The following ATP8B4 variants were observed in gnomAD, a reference collection of about 807,000 sequenced individuals.
ATP8B4 encodes ATPase phospholipid transporting 8B4 (putative), also known as probable phospholipid-transporting ATPase IM.
A neutral mutation model predicts 145.6 loss-of-function variants in ATP8B4; 133 were observed. That is an observed-to-expected ratio of 0.91 (90% confidence interval 0.79 to 1.05). The LOEUF (loss-of-function observed/expected upper bound fraction) is 1.05, where lower values mean the gene tolerates loss of function less well. Ranked by LOEUF, ATP8B4 falls within the 50% of genes least tolerant of loss-of-function variation. The pLI is 0.00. For synonymous variants in ATP8B4, 507 were observed against 492.9 expected (o/e 1.03, Z -0.38); for missense variants, 1,458 against 1,425.2 (o/e 1.02, Z -0.37).
intron 1 of ATP8B4, among the ~76,000 whole-genome samples, chr15:50,168,377 GA>G (rs1402617736): frequency 1.3e-5 from 2 of 152,080 alleles, no homozygotes; most frequent in Non-Finnish European, 2.9e-5. Context: ...GCAGAAGTGG[GA>G]AAGGTAGACC....
Position 49,979,826 on chromosome 15 carries a change from A to G in ATP8B4, c.838-13T>C, listed in dbSNP as rs2045998231. On this transcript the variant is annotated splice_polypyrimidine_tract_variant and intron_variant, in intron 11 of 27. Transcript: ENST00000284509. ...GAAACCCAAAAATCTGAAATAAGAT[A>G]GAAGTGTGGTTAAGGTTAACTTGAA... The G allele has an allele frequency of 5.8e-6, 9 of 1,548,952 alleles. No individual in the cohort carries two copies. The highest frequency in any genetic ancestry group is 5.3e-6 in the Non-Finnish European group (6 of 1,134,532).
chr15:50,004,061 C>A (rs1014184744), intron 7 of ATP8B4, among the ~76,000 whole-genome samples: 2 of 152,200 alleles, frequency 1.3e-5, no homozygotes, highest in Admixed American at 1.3e-4. Flanking sequence ...CAGTTACCAG[C>A]TTTTTCTTTG....
chr15:50,178,083 C>T (rs2044790195), intron 1 of ATP8B4, among the ~76,000 whole-genome samples: 1 of 152,150 alleles, frequency 6.6e-6, no homozygotes, highest in Non-Finnish European at 1.5e-5. Context: ...CTAAACTTCT[C>T]CTGCAATACC....
intron 12 of ATP8B4, among the ~76,000 whole-genome samples, chr15:49,973,228 TG>T (rs1382693049): frequency 2.0e-5 from 3 of 152,178 alleles, no homozygotes; most frequent in Non-Finnish European, 4.4e-5. Context: ...TTACAATTAA[TG>T]TGCACTTTAT....
At chr15:50,102,198 A>G (rs2056404468) in intron 2 of ATP8B4, among the ~76,000 whole-genome samples, 1 of 152,090 alleles carries the variant, frequency 6.6e-6, no homozygotes, top group Non-Finnish European at 1.5e-5. Flanking sequence ...AGAAACAAGA[A>G]CAAACCAAAC....
At chr15:50,042,761 G>C (rs1041200006) in intron 5 of ATP8B4, among the ~76,000 whole-genome samples, 1 of 152,138 alleles carries the variant, frequency 6.6e-6, no homozygotes, top group African/African-American at 2.4e-5. Context: ...TCTGAAGCCA[G>C]ATTGCTTGAG....
At chr15:50,012,952 A>C (rs1351133310) in intron 6 of ATP8B4, among the ~76,000 whole-genome samples, 1 of 152,180 alleles carries the variant, frequency 6.6e-6, no homozygotes, top group East Asian at 1.9e-4. Flanking sequence ...TCTAATGAGC[A>C]CTAAGGATCA....
rs551694330 is a variant in ATP8B4, at chr15:50,001,062, TTTTTC to T, written c.506+1086_506+1090del. 9.9e-5 allele frequency among the ~76,000 whole-genome samples: 15 copies of T among 152,188 alleles called. No homozygotes were observed. In the South Asian group the frequency reaches 3.1e-3, roughly 32 times the overall value. On this transcript the variant is annotated intron_variant, in intron 8 of 27. Coordinates refer to ENST00000284509, the MANE Select transcript of ATP8B4 (RefSeq NM_024837.4). ...TATGCTAATTTGTGTCTTCTCTTTT[TTTTTC>T]TTTTATCAGTATTCTTAGAGGTTTG... is the stretch of plus-strand genomic sequence containing the variant.
chr15:49,969,083 A>T (rs1425533166), intron 13 of ATP8B4, among the ~76,000 whole-genome samples: 1 of 152,264 alleles, frequency 6.6e-6, no homozygotes, highest in African/African-American at 2.4e-5. Context: ...CAATGAGAAC[A>T]AAGAAACGAT....
chr15:50,062,957 A>G (rs1038752909), intron 3 of ATP8B4, among the ~76,000 whole-genome samples: 3 of 152,166 alleles, frequency 2.0e-5, no homozygotes, highest in African/African-American at 7.2e-5. Flanking sequence ...CACACATGGT[A>G]CTAAGTGGTT....
intron 1 of ATP8B4, among the ~76,000 whole-genome samples, chr15:50,180,563 A>T (rs16963400): frequency 0.082 from 12,460 of 152,242 alleles, 542 homozygotes; most frequent in East Asian, 0.1. Context: ...CAAGGAAAAG[A>T]GAAGAGGGGT....
chr15:49,988,581 C>T (rs2046818464), intron 9 of ATP8B4, among the ~76,000 whole-genome samples: 2 of 151,964 alleles, frequency 1.3e-5, no homozygotes, highest in Admixed American at 6.6e-5. Flanking sequence ...AACAAACAAA[C>T]AAAAATACAT....
chr15:50,047,477 T>C lies in ATP8B4; in HGVS notation c.88-13A>G. ...GGATACGATTATCCTGGAAAAGAAA[T>C]AGCATCATGTTAGTTTGGGGCAAGG... On this transcript the variant is annotated splice_polypyrimidine_tract_variant and intron_variant, in intron 3 of 27. Coordinates refer to ENST00000284509, the MANE Select transcript of ATP8B4 (RefSeq NM_024837.4). 1.4e-6 allele frequency: 2 copies of C among 1,462,704 alleles called. No homozygotes were observed. Among genetic ancestry groups the C allele is most frequent in the South Asian group, 1.1e-5 (1 of 87,738 alleles). 90.6% of individuals were successfully genotyped at this position (1,462,704 alleles called of 1,614,324 possible).
At chr15:49,919,479 G>A (rs576995952) in intron 18 of ATP8B4, among the ~76,000 whole-genome samples, 1 of 152,074 alleles carries the variant, frequency 6.6e-6, no homozygotes, top group East Asian at 1.9e-4. Context: ...GTGCAGTGGC[G>A]CGATCTCGGC....
chr15:49,934,641 T>C (rs2041580601), intron 14 of ATP8B4, among the ~76,000 whole-genome samples: 1 of 152,116 alleles, frequency 6.6e-6, no homozygotes, highest in Non-Finnish European at 1.5e-5. Context: ...AAAACATTAA[T>C]GTGTTTGATT....
chr15:50,009,904 A>C (rs1253998095), intron 7 of ATP8B4, among the ~76,000 whole-genome samples: 1 of 152,102 alleles, frequency 6.6e-6, no homozygotes, highest in South Asian at 2.1e-4. Context: ...GAAAGTGTGA[A>C]CTCTTTTGTG....
chr15:50,005,231 G>A lies in ATP8B4; in HGVS notation c.436-3008C>T, dbSNP rs2048211491. Reference sequence around the variant, plus strand: ...ACAACGCCCCTTCCCCAACTTCCATGGGCAACAGAAAACAAATATTCCCAT... The same window carrying A: ...ACAACGCCCCTTCCCCAACTTCCATAGGCAACAGAAAACAAATATTCCCAT... On this transcript the variant is annotated intron_variant, in intron 7 of 27. Transcript: ENST00000284509. Among the ~76,000 whole-genome samples the A allele has an allele frequency of 1.3e-5, 2 of 152,104 alleles. 1 individual carries two copies. The highest frequency in any genetic ancestry group is 4.1e-4 in the South Asian group (2 of 4,822).
chr15:50,086,391 C>A, intron 2 of ATP8B4, among the ~76,000 whole-genome samples: 1 of 37,246 alleles, frequency 2.7e-5, no homozygotes, highest in Non-Finnish European at 3.9e-5. Flanking sequence ...ATATAGAGAT[C>A]TATATTTATT....
rs78335862 is a variant in ATP8B4, at chr15:50,065,467, G to T, written c.87+8660C>A. On this transcript the variant is annotated intron_variant, in intron 3 of 27. Transcript: ENST00000284509. ...ACAAGATAAAAACCACTTTGAGACCGTTGGGGTTAGTGGTTTTTTTCCGTT... is the reference window on the plus strand; with the variant it reads ...ACAAGATAAAAACCACTTTGAGACCTTTGGGGTTAGTGGTTTTTTTCCGTT... Among the ~76,000 whole-genome samples the T allele has an allele frequency of 6.6e-5, 10 of 152,262 alleles. No individual in the cohort carries two copies. The East Asian group carries it at 1.9e-3, about 29-fold the overall frequency.
Sources: gnomAD v4.1 joint callset for allele counts (sites outside exome capture counted in the v4.1 genomes callset) on GRCh38, gnomAD v4.1.1 for gene constraint, MANE v1.5 for transcripts, NCBI Gene and HGNC (gene_info 2026-07-23, HGNC 2026-07-21) for gene names.